Variants in NXPH2 observed in about 807,000 individuals in gnomAD.
NXPH2 encodes neurexophilin 2.
A neutral mutation model predicts 19.8 loss-of-function variants in NXPH2; 5 were observed. That is an observed-to-expected ratio of 0.25 (90% confidence interval 0.13 to 0.53). The LOEUF is 0.53. Ranked by LOEUF, NXPH2 falls within the 20% of genes least tolerant of loss-of-function variation. The pLI, the probability that NXPH2 is intolerant of heterozygous loss-of-function variation, is 0.96. For synonymous variants in NXPH2, 154 were observed against 127.4 expected (o/e 1.21, Z -1.41); for missense variants, 289 against 322.8 (o/e 0.90, Z 0.80).
intron 1 of NXPH2, among the ~76,000 whole-genome samples, chr2:138,686,548 T>C (rs1229651524): frequency 2.3e-5 from 2 of 86,528 alleles, no homozygotes; most frequent in East Asian, 5.6e-4. Context: ...TATTTATTTA[T>C]TTTATTTTAT....
intron 1 of NXPH2, among the ~76,000 whole-genome samples, chr2:138,754,422 A>G (rs774101103): frequency 3.9e-5 from 6 of 152,170 alleles, no homozygotes; most frequent in Non-Finnish European, 8.8e-5. Flanking sequence ...AATGTCACAT[A>G]ATTGGAATTA....
intron 1 of NXPH2, among the ~76,000 whole-genome samples, chr2:138,698,395 T>A (rs1179963409): frequency 6.6e-6 from 1 of 152,202 alleles, no homozygotes; most frequent in African/African-American, 2.4e-5. Context: ...AGGTTATGAC[T>A]GGGCAGAAAG....
chr2:138,720,130 TAA>T (rs557957661), intron 1 of NXPH2, among the ~76,000 whole-genome samples: 4 of 139,648 alleles, frequency 2.9e-5, no homozygotes, highest in Non-Finnish European at 3.1e-5. Context: ...GTTTTAAGGT[TAA>T]AAAAAAAAAA....
At chr2:138,722,137 A>G (rs1484180896) in intron 1 of NXPH2, among the ~76,000 whole-genome samples, 1 of 152,246 alleles carries the variant, frequency 6.6e-6, no homozygotes, top group African/African-American at 2.4e-5. Flanking sequence ...CAGAACAACA[A>G]TAAACAAATA....
At chr2:138,762,880 T>C (rs1299449507) in intron 1 of NXPH2, among the ~76,000 whole-genome samples, 6 of 152,218 alleles carry the variant, frequency 3.9e-5, no homozygotes, top group Admixed American at 3.9e-4. Context: ...AGACCAAGCT[T>C]GGCTCCTTAA....
chr2:138,703,872 G>A (rs1680968416), intron 1 of NXPH2, among the ~76,000 whole-genome samples: 1 of 152,180 alleles, frequency 6.6e-6, no homozygotes, highest in Admixed American at 6.5e-5. Flanking sequence ...AGCAAGGCAG[G>A]TTAGGCGGGA....
chr2:138,670,334 G>A lies in NXPH2; in HGVS notation c.*588C>T, dbSNP rs1239226972. 1.3e-5 allele frequency among the ~76,000 whole-genome samples: 2 copies of A among 152,308 alleles called. No individual in the cohort carries two copies. The highest frequency in any genetic ancestry group is 4.8e-5 in the African/African-American group (2 of 41,568). On this transcript the variant is annotated 3_prime_UTR_variant, in exon 2 of 2. Coordinates refer to ENST00000272641, the MANE Select transcript of NXPH2 (RefSeq NM_007226.3). ...CATTCCACGCAACTGTAGCTCAGAT[G>A]ATAAGGAACTTGGTTCCACTGTGGC...
chr2:138,779,584 T>C (rs993050185), intron 1 of NXPH2, among the ~76,000 whole-genome samples: 1 of 151,840 alleles, frequency 6.6e-6, no homozygotes, highest in Non-Finnish European at 1.5e-5. Context: ...GAAAGTTATA[T>C]CTTGTGTCCC....
chr2:138,737,453 A>C lies in NXPH2; in HGVS notation c.51+42738T>G, dbSNP rs553860437. 7.2e-5 allele frequency among the ~76,000 whole-genome samples: 11 copies of C among 152,308 alleles called. 1 individual carries two copies. In the South Asian group the frequency reaches 2.3e-3, roughly 32 times the overall value. On this transcript the variant is annotated intron_variant, in intron 1 of 1. Coordinates refer to ENST00000272641, the MANE Select transcript of NXPH2 (RefSeq NM_007226.3). ...CAGTATGAAAGAAACTGCACCCATG[A>C]TTCAATTATCTCCATCTGGGTCCTT... is the stretch of plus-strand genomic sequence containing the variant.
chr2:138,707,189 T>TTCAG (rs1681030927), intron 1 of NXPH2, among the ~76,000 whole-genome samples: 1 of 149,936 alleles, frequency 6.7e-6, no homozygotes, highest in Non-Finnish European at 1.5e-5. Context: ...AATGACAAAC[T>TTCAG]TCAGTCAGGG....
chr2:138,769,141 A>T (rs1009496342), intron 1 of NXPH2, among the ~76,000 whole-genome samples: 4 of 152,202 alleles, frequency 2.6e-5, no homozygotes, highest in Non-Finnish European at 5.9e-5. Flanking sequence ...AAATCAAAGG[A>T]GAATTTAAGA....
At chr2:138,773,632 G>A (rs997233792) in intron 1 of NXPH2, among the ~76,000 whole-genome samples, 8 of 151,942 alleles carry the variant, frequency 5.3e-5, no homozygotes, top group Non-Finnish European at 7.4e-5. Context: ...TGTTTTGGGC[G>A]AATAAATATA....
chr2:138,724,688 G>A (rs149928800), intron 1 of NXPH2, among the ~76,000 whole-genome samples: 13 of 152,306 alleles, frequency 8.5e-5, no homozygotes, highest in African/African-American at 2.9e-4. Context: ...GAGATGTGGC[G>A]AAACAGTGAA....
intron 1 of NXPH2, among the ~76,000 whole-genome samples, chr2:138,683,155 A>G (rs1253085266): frequency 1.3e-5 from 2 of 152,150 alleles, no homozygotes; most frequent in Non-Finnish European, 2.9e-5. Flanking sequence ...GCGAAGTCAA[A>G]CAAGGTATTC....
In NXPH2 at chr2:138,671,645, T is replaced by C; in HGVS notation, c.72A>G (p.Glu24=). The C allele has an allele frequency of 6.4e-7, 1 of 1,561,790 alleles. No homozygotes were observed. The highest frequency in any genetic ancestry group is 8.6e-7 in the Non-Finnish European group (1 of 1,156,738). ...CCAGCCCCTCCGTGGCATGCACCAC[T>C]TCCTTACTGTCACAAAATAGCTGTT... ...LLQLLFCDSK[E]VVHATEGLDW... Residue 24 remains glutamate (E), a synonymous_variant, in exon 2 of 2, where the codon GAA becomes GAG. Coordinates refer to ENST00000272641, the MANE Select transcript of NXPH2 (RefSeq NM_007226.3).
chr2:138,723,245 C>A (rs1230651668), intron 1 of NXPH2, among the ~76,000 whole-genome samples: 3 of 152,060 alleles, frequency 2.0e-5, no homozygotes, highest in Non-Finnish European at 4.4e-5. Flanking sequence ...TTTAATGAAG[C>A]CTTGAAAAGC....
chr2:138,736,629 G>A (rs1308639339), intron 1 of NXPH2, among the ~76,000 whole-genome samples: 1 of 152,202 alleles, frequency 6.6e-6, no homozygotes, highest in Non-Finnish European at 1.5e-5. Context: ...CATTGTCTTG[G>A]AGATTAACAT....
At chr2:138,759,712 A>G (rs1681975695) in intron 1 of NXPH2, among the ~76,000 whole-genome samples, 1 of 150,052 alleles carries the variant, frequency 6.7e-6, no homozygotes, top group African/African-American at 2.5e-5. Context: ...AACCACTGCC[A>G]CAGGCTCCTA....
intron 1 of NXPH2, 35 bp downstream of exon 1, chr2:138,780,156 C>T (rs1249745462): frequency 8.2e-6 from 12 of 1,472,384 alleles, no homozygotes; most frequent in South Asian, 1.3e-5. Flanking sequence ...AACGCGTCCC[C>T]GGCGTGTGGG....
Sources: allele counts gnomAD v4.1 joint callset (sites outside exome capture counted in the v4.1 genomes callset), GRCh38; gene constraint gnomAD v4.1.1; transcripts MANE v1.5; gene names NCBI Gene and HGNC (gene_info 2026-07-23, HGNC 2026-07-21).